Variants in ZDHHC11B observed in about 807,000 individuals in gnomAD.
ZDHHC11B encodes the protein probable palmitoyltransferase ZDHHC11B.
ZDHHC11B carries 17 observed loss-of-function variants against 42.3 expected under a neutral mutation model. The observed-to-expected ratio is 0.40, with a 90% CI of 0.27 to 0.60. The LOEUF (loss-of-function observed/expected upper bound fraction) is 0.60, where lower values mean the gene tolerates loss of function less well. ZDHHC11B is among the 20% of genes least tolerant of loss of function. The pLI, the probability that ZDHHC11B is intolerant of heterozygous loss-of-function variation, is 0.41. For missense variants in ZDHHC11B, 262 were observed against 463.2 expected, an observed-to-expected ratio of 0.57 and a Z score of 3.99; for synonymous variants, 123 against 193.5, an observed-to-expected ratio of 0.64 and a Z score of 3.02.
intron 4 of ZDHHC11B, among the ~76,000 whole-genome samples, chr5:757,353 A>G (rs1697953): frequency 0.48 from 71,650 of 149,148 alleles, 12,289 homozygotes; most frequent in East Asian, 0.68. Context: ...AAAGCCACGT[A>G]GGGATTTTAG....
At chr5:742,899 G>T (rs1358008393) in intron 9 of ZDHHC11B, among the ~76,000 whole-genome samples, 16 of 149,128 alleles carry the variant, frequency 1.1e-4, no homozygotes, top group African/African-American at 3.9e-4. Context: ...TCAAAGACAA[G>T]CTTTGTCTCA....
At chr5:714,560 G>A (rs1232165966) in intron 13 of ZDHHC11B, among the ~76,000 whole-genome samples, 1 of 109,808 alleles carries the variant, frequency 9.1e-6, no homozygotes, top group Admixed American at 8.7e-5. Context: ...CTTTTGAAAT[G>A]ATTTAGCCTC....
At chr5:765,451 A>G (rs1272859835) in intron 4 of ZDHHC11B, among the ~76,000 whole-genome samples, 2 of 151,894 alleles carry the variant, frequency 1.3e-5, no homozygotes, top group African/African-American at 4.8e-5. Flanking sequence ...GGGGTTGTAA[A>G]CACACCAATC....
At chr5:754,121 C>T (rs1377732841) in intron 6 of ZDHHC11B, among the ~76,000 whole-genome samples, 14 of 129,984 alleles carry the variant, frequency 1.1e-4, no homozygotes, top group Admixed American at 3.5e-4. Context: ...CTATGAGTCT[C>T]CACTGTGCTC....
intron 10 of ZDHHC11B, among the ~76,000 whole-genome samples, chr5:738,855 C>T (rs369120): frequency 1.3e-5 from 2 of 148,480 alleles, no homozygotes; most frequent in Admixed American, 6.7e-5. Context: ...AAAAACTTTT[C>T]TAGGCATTGA....
intron 4 of ZDHHC11B, among the ~76,000 whole-genome samples, chr5:759,785 C>T (rs1466013843): frequency 3.3e-5 from 5 of 151,996 alleles, no homozygotes; most frequent in African/African-American, 9.6e-5. Context: ...TGCACCTGAC[C>T]TCCCTTGGGG....
At chr5:728,558 T>C (rs1416405578) in intron 12 of ZDHHC11B, among the ~76,000 whole-genome samples, 18 of 152,058 alleles carry the variant, frequency 1.2e-4, no homozygotes, top group African/African-American at 3.9e-4. Flanking sequence ...CACATCTATA[T>C]GAAACGTCAT....
intron 10 of ZDHHC11B, among the ~76,000 whole-genome samples, chr5:740,160 T>G (rs1198368326): frequency 8.0e-6 from 1 of 124,358 alleles, no homozygotes; most frequent in African/African-American, 2.6e-5. Flanking sequence ...GATAAAAGAC[T>G]ACACATTGAG....
rs1290662478 is a variant in ZDHHC11B, at chr5:730,353, G to A, written c.1058+81C>T. The A allele has an allele frequency of 1.2e-5, 18 of 1,451,292 alleles. No individual in the cohort carries two copies. In the African/African-American group the frequency reaches 2.4e-4, roughly 20 times the overall value. 89.9% of individuals were successfully genotyped at this position (1,451,292 alleles called of 1,614,324 possible). On this transcript the variant is annotated intron_variant, in intron 12 of 13. Coordinates refer to ENST00000508859, the MANE Select transcript of ZDHHC11B (RefSeq NM_001351303.2). ...TCAGAATATTTGAACATGTTAAATA[G>A]AGAACATATTTTCCTAGGTAATTTG...
At chr5:718,230 G>A (rs1269259363) in intron 12 of ZDHHC11B, among the ~76,000 whole-genome samples, 3 of 151,804 alleles carry the variant, frequency 2.0e-5, no homozygotes, top group Non-Finnish European at 4.4e-5. Context: ...AAATGCAGAG[G>A]AAGTTTACCT....
intron 4 of ZDHHC11B, among the ~76,000 whole-genome samples, chr5:760,430 C>T (rs1277715057): frequency 3.3e-5 from 5 of 151,834 alleles, no homozygotes; most frequent in Admixed American, 6.6e-5. Context: ...CCACAGAGAG[C>T]GGCCAGAACC....
chr5:771,502 C>A (rs1454441546), intron 1 of ZDHHC11B, among the ~76,000 whole-genome samples: 2 of 109,430 alleles, frequency 1.8e-5, no homozygotes, highest in East Asian at 4.7e-4. Context: ...CTGGTGGGGG[C>A]AGGATCCTGG....
At chr5:733,265 C>T (rs1386345240) in intron 11 of ZDHHC11B, among the ~76,000 whole-genome samples, 2 of 151,346 alleles carry the variant, frequency 1.3e-5, no homozygotes, top group African/African-American at 4.9e-5. Flanking sequence ...CACCCCCCCA[C>T]ATATGTGCAA....
intron 4 of ZDHHC11B, among the ~76,000 whole-genome samples, chr5:764,398 G>T (rs1437014445): frequency 1.3e-5 from 2 of 149,964 alleles, no homozygotes; most frequent in Non-Finnish European, 3.0e-5. Context: ...GAGAGGCACA[G>T]GCGGGAACCC....
At position 736,789 on chromosome 5, in the gene ZDHHC11B, T is replaced by A. The variant is rs1487771403; in HGVS notation, c.936-2950A>T. On this transcript the variant is annotated intron_variant, in intron 10 of 13. Coordinates refer to ENST00000508859, the MANE Select transcript of ZDHHC11B (RefSeq NM_001351303.2). ...AACTGAATAACTGTGGCATGACTTATCAAAACCTCAAGGACACAGCAAAAG... is the reference window on the plus strand; with the variant it reads ...AACTGAATAACTGTGGCATGACTTAACAAAACCTCAAGGACACAGCAAAAG... 3.1e-5 allele frequency among the ~76,000 whole-genome samples: 4 copies of A among 127,526 alleles called. 1 individual carries two copies. In the East Asian group the frequency reaches 9.8e-4, roughly 31 times the overall value. The allele number at this position is 127,526 out of a possible 152,430, so 83.7% of individuals were successfully genotyped here. A position where few individuals can be genotyped will look rare whatever the true frequency, so the allele number is the denominator to read the frequency against.
chr5:775,350 G>A (rs1156487051), intron 1 of ZDHHC11B, among the ~76,000 whole-genome samples: 1 of 151,914 alleles, frequency 6.6e-6, no homozygotes, highest in African/African-American at 2.4e-5. Flanking sequence ...TCCTTGAAGG[G>A]GTGCAGCCGC....
Position 728,926 on chromosome 5 carries a change from C to T in ZDHHC11B, c.1058+1508G>A, listed in dbSNP as rs429934. On this transcript the variant is annotated intron_variant, in intron 12 of 13. Transcript: ENST00000508859. The stretch of plus-strand genomic sequence containing the variant: ...TACTTGGGAGGCTGAGGTGGGTGGA[C>T]TGCAAGAATCCAAGTGGCAAAGGTT... 2.7e-3 allele frequency among the ~76,000 whole-genome samples: 408 copies of T among 151,150 alleles called. 5 individuals are homozygous for T. Among genetic ancestry groups the T allele is most frequent in the African/African-American group, 5.7e-3 (232 of 41,046 alleles).
chr5:746,442 G>A (rs556855141), intron 8 of ZDHHC11B, among the ~76,000 whole-genome samples: 5 of 131,708 alleles, frequency 3.8e-5, no homozygotes, highest in African/African-American at 7.5e-5. Flanking sequence ...AGGCCTGGGC[G>A]TCCTGCTTCC....
intron 7 of ZDHHC11B, among the ~76,000 whole-genome samples, chr5:749,149 G>T (rs1196398583): frequency 8.0e-6 from 1 of 124,370 alleles, no homozygotes; most frequent in African/African-American, 2.8e-5. Flanking sequence ...GCTCTGCCGA[G>T]TCCCAGCATC....
Sources: gnomAD v4.1 joint callset for allele counts (sites outside exome capture counted in the v4.1 genomes callset) on GRCh38, gnomAD v4.1.1 for gene constraint, MANE v1.5 for transcripts, NCBI Gene and HGNC (gene_info 2026-07-23, HGNC 2026-07-21) for gene names.